SPOPL: variants seen among roughly 807,000 people sequenced by gnomAD.
SPOPL encodes the protein speckle-type POZ protein-like.
SPOPL carries 23 observed loss-of-function variants against 53.8 expected under a neutral mutation model. The ratio of observed to expected loss-of-function variants is 0.43; its 90% CI spans 0.31 to 0.61. SPOPL has a LOEUF of 0.61. Ranked by LOEUF, SPOPL falls within the 20% of genes least tolerant of loss-of-function variation. The pLI is 0.12. For synonymous variants in SPOPL, 164 were observed against 149.7 expected, an observed-to-expected ratio of 1.10 and a Z score of -0.70; for missense variants, 442 against 466.9, an observed-to-expected ratio of 0.95 and a Z score of 0.49.
chr2:138,520,419 A>G (rs531537794), intron 1 of SPOPL, among the ~76,000 whole-genome samples: 14 of 152,202 alleles, frequency 9.2e-5, no homozygotes, highest in Non-Finnish European at 1.3e-4. Flanking sequence ...ACCTGCGTAC[A>G]TACATGTACA....
chr2:138,565,083 G>A, intron 10 of SPOPL, 90 bp downstream of exon 10: 1 of 1,470,466 alleles, frequency 6.8e-7, no homozygotes, highest in Non-Finnish European at 9.3e-7. Context: ...CAATAAGTAT[G>A]AATCCAAATG....
At chr2:138,512,818 T>C (rs927234702) in intron 1 of SPOPL, among the ~76,000 whole-genome samples, 2 of 152,218 alleles carry the variant, frequency 1.3e-5, no homozygotes, top group African/African-American at 4.8e-5. Context: ...CCAGGTCCTG[T>C]ATTTACAGTG....
chr2:138,556,529 A>G (rs528662076), intron 5 of SPOPL, among the ~76,000 whole-genome samples: 2 of 152,336 alleles, frequency 1.3e-5, no homozygotes, highest in South Asian at 2.1e-4. Context: ...GTTAGGGTCT[A>G]AAGACCTGAT....
In SPOPL at chr2:138,550,812, G is replaced by A. The variant is rs183992277; in HGVS notation, c.201-91G>A. ...TGTGACATTAACACATGATTTCAGT[G>A]TTCTCTCTCTCTCTTTCTCTCTCTC... On this transcript the variant is annotated intron_variant, in intron 3 of 10. Transcript: ENST00000280098. The A allele has an allele frequency of 2.6e-4, 339 of 1,309,568 alleles. 1 individual carries two copies. In the Admixed American group the frequency reaches 4.5e-3, roughly 17 times the overall value. 81.1% of individuals were successfully genotyped at this position (1,309,568 alleles called of 1,614,324 possible). A position where few individuals can be genotyped will look rare whatever the true frequency, so the allele number is the denominator to read the frequency against.
At chr2:138,561,042 C>A in intron 8 of SPOPL, 115 bp downstream of exon 8, 2 of 1,292,676 alleles carry the variant, frequency 1.5e-6, no homozygotes, top group Non-Finnish European at 2.1e-6. Flanking sequence ...CTCTTGAGAG[C>A]TTTATGAAAT....
rs1297144134 is a variant in SPOPL, at chr2:138,556,189, A to T, written c.481-2833A>T. On this transcript the variant is annotated intron_variant, in intron 5 of 10. Coordinates refer to ENST00000280098, the MANE Select transcript of SPOPL (RefSeq NM_001001664.3). ...GTTAAAATTTGTGGTTGCTGTGATA[A>T]TACTGTGTAGATAGGTATGTCAGTA... 1.1e-4 allele frequency among the ~76,000 whole-genome samples: 17 copies of T among 152,306 alleles called. No homozygotes were observed. In the South Asian group the frequency reaches 3.5e-3, roughly 32 times the overall value.
rs1684095163 is a variant in SPOPL at position 138,501,783 on chromosome 2, G to C, written c.-397G>C. On this transcript the variant is annotated 5_prime_UTR_variant, in exon 1 of 11. Coordinates refer to ENST00000280098, the MANE Select transcript of SPOPL (RefSeq NM_001001664.3). The stretch of plus-strand genomic sequence containing the variant: ...GCCGCCGCGCGCACGCGCCCTCGCG[G>C]GCTGGAGCCGGGGCTGGAGTCGTAA... 6.4e-6 allele frequency: 1 copy of C among 156,830 alleles called. No homozygotes were observed. Among genetic ancestry groups the C allele is most frequent in the Non-Finnish European group, 1.4e-5 (1 of 71,420 alleles). The allele number at this position is 156,830 out of a possible 1,614,324, so 9.7% of individuals were successfully genotyped here.
chr2:138,549,462 C>T (rs1685267365), intron 1 of SPOPL, among the ~76,000 whole-genome samples: 1 of 152,082 alleles, frequency 6.6e-6, no homozygotes. Flanking sequence ...TACAAAGCAG[C>T]AGCATCTGGT....
chr2:138,519,529 G>T (rs533182946), intron 1 of SPOPL, among the ~76,000 whole-genome samples: 1 of 152,242 alleles, frequency 6.6e-6, no homozygotes, highest in African/African-American at 2.4e-5. Flanking sequence ...TTTGTCTAGA[G>T]GATCAAATGA....
At chr2:138,504,247 G>A (rs1261135397) in intron 1 of SPOPL, among the ~76,000 whole-genome samples, 2 of 152,178 alleles carry the variant, frequency 1.3e-5, no homozygotes, top group Non-Finnish European at 2.9e-5. Flanking sequence ...ACTTGGGGGT[G>A]ACACTGTTTT....
rs79567067 is a variant in SPOPL at position 138,566,715 on chromosome 2, G to A, written c.1034+1722G>A. 4.1e-3 allele frequency among the ~76,000 whole-genome samples: 621 copies of A among 152,266 alleles called. 2 individuals are homozygous for A. The highest frequency in any genetic ancestry group is 0.014 in the African/African-American group (575 of 41,552). On this transcript the variant is annotated intron_variant, in intron 10 of 10. Coordinates refer to ENST00000280098, the MANE Select transcript of SPOPL (RefSeq NM_001001664.3). Reference sequence around the variant, plus strand: ...TACTCTAGCATCTTCTGTGTTTCAAGTACAATGCTAGGGTGCTGCATATAA... The same window carrying A: ...TACTCTAGCATCTTCTGTGTTTCAAATACAATGCTAGGGTGCTGCATATAA...
chr2:138,523,431 C>T (rs1164584894), intron 1 of SPOPL, among the ~76,000 whole-genome samples: 1 of 152,060 alleles, frequency 6.6e-6, no homozygotes, highest in Non-Finnish European at 1.5e-5. Context: ...CTGCCCCTGG[C>T]CCCTCTCAAA....
chr2:138,559,973 T>G (rs1181701064), intron 7 of SPOPL, among the ~76,000 whole-genome samples: 2 of 152,062 alleles, frequency 1.3e-5, no homozygotes, highest in Admixed American at 6.5e-5. Flanking sequence ...TTTCTCCAAG[T>G]TTTGGTTTGG....
intron 1 of SPOPL, among the ~76,000 whole-genome samples, chr2:138,523,354 A>G (rs546342616): frequency 6.6e-6 from 1 of 152,296 alleles, no homozygotes; most frequent in African/African-American, 2.4e-5. Flanking sequence ...CCCTGCCACA[A>G]CACATGGGAA....
chr2:138,561,142 T>A (rs115797000), intron 8 of SPOPL, among the ~76,000 whole-genome samples: 1,651 of 152,284 alleles, frequency 0.011, 34 homozygotes, highest in African/African-American at 0.037. Context: ...GGCTTTTTTC[T>A]TGGGAGAGTA....
At chr2:138,558,757 ATTAC>A in intron 5 of SPOPL, among the ~76,000 whole-genome samples, 1 of 152,182 alleles carries the variant, frequency 6.6e-6, no homozygotes, top group Non-Finnish European at 1.5e-5. Context: ...TATTTTTGTA[ATTAC>A]TTTAATAATC....
At chr2:138,546,577 T>A (rs1033317116) in intron 1 of SPOPL, among the ~76,000 whole-genome samples, 6 of 152,234 alleles carry the variant, frequency 3.9e-5, no homozygotes, top group African/African-American at 1.4e-4. Flanking sequence ...ACAGTTATTA[T>A]TTTCTGTGCC....
At position 138,548,849 on chromosome 2, in the gene SPOPL, C is replaced by G. The variant is rs142093226; in HGVS notation, c.-60-1308C>G. Among the ~76,000 whole-genome samples, 300 of 152,142 alleles carry G rather than the reference C, an allele frequency of 2.0e-3. 1 individual carries two copies. Among genetic ancestry groups the G allele is most frequent in the Non-Finnish European group, 3.4e-3 (229 of 67,954 alleles). ...CTAGAGATTTTTCTAACAGATAAGTCTAATAATCATTACTCTTTCAGTACA... is the reference window on the plus strand; with the variant it reads ...CTAGAGATTTTTCTAACAGATAAGTGTAATAATCATTACTCTTTCAGTACA... On this transcript the variant is annotated intron_variant, in intron 1 of 10. Transcript: ENST00000280098.
chr2:138,533,924 C>G (rs911230433), intron 1 of SPOPL, among the ~76,000 whole-genome samples: 5 of 152,064 alleles, frequency 3.3e-5, no homozygotes, highest in Non-Finnish European at 5.9e-5. Context: ...TTGCAGATGA[C>G]AATGAAAGAC....
Sources: gnomAD v4.1 joint callset for allele counts (sites outside exome capture counted in the v4.1 genomes callset) on GRCh38, gnomAD v4.1.1 for gene constraint, MANE v1.5 for transcripts, NCBI Gene and HGNC (gene_info 2026-07-23, HGNC 2026-07-21) for gene names.